NKAIN2: variants seen among roughly 807,000 people sequenced by gnomAD.
NKAIN2 encodes sodium/potassium transporting ATPase interacting 2.
In NKAIN2, 14 loss-of-function variants were observed where a neutral mutation model predicts 32.6. That is an observed-to-expected ratio of 0.43 (90% CI 0.28 to 0.67). The LOEUF (loss-of-function observed/expected upper bound fraction) is 0.67, where lower values mean the gene tolerates loss of function less well. Among genes scored for constraint, NKAIN2 ranks in the 30% least tolerant of loss-of-function variants. The pLI, the probability that NKAIN2 is intolerant of heterozygous loss-of-function variation, is 0.17. For missense variants in NKAIN2, 198 were observed against 258.3 expected (o/e 0.77, Z 1.60); for synonymous variants, 80 against 87.2 (o/e 0.92, Z 0.46).
chr6:123,997,690 G>A (rs1410942728), intron 1 of NKAIN2, among the ~76,000 whole-genome samples: 10 of 136,946 alleles, frequency 7.3e-5, no homozygotes, highest in East Asian at 2.3e-4. Flanking sequence ...TGCAAGCTCC[G>A]CCTTCCAGGT....
At chr6:124,235,024 G>A (rs1222609447) in intron 1 of NKAIN2, among the ~76,000 whole-genome samples, 1 of 152,056 alleles carries the variant, frequency 6.6e-6, no homozygotes, top group Non-Finnish European at 1.5e-5. Context: ...AGCACACAAT[G>A]GAATTTTCCA....
At chr6:124,431,111 A>G (rs1271967725) in intron 3 of NKAIN2, among the ~76,000 whole-genome samples, 3 of 152,186 alleles carry the variant, frequency 2.0e-5, no homozygotes, top group East Asian at 1.9e-4. Flanking sequence ...TACAAAATGC[A>G]TATGATTGCA....
chr6:124,413,260 G>A (rs1026226648), intron 3 of NKAIN2, among the ~76,000 whole-genome samples: 13 of 152,258 alleles, frequency 8.5e-5, no homozygotes, highest in East Asian at 5.8e-4. Context: ...TGTCTTCTGC[G>A]TCGCTCTTTT....
intron 1 of NKAIN2, among the ~76,000 whole-genome samples, chr6:123,834,995 C>T (rs1774554053): frequency 6.6e-6 from 1 of 152,028 alleles, no homozygotes; most frequent in Non-Finnish European, 1.5e-5. Context: ...ATTTCTATAT[C>T]TATGTTCATG....
At chr6:124,585,788 A>C (rs955000721) in intron 3 of NKAIN2, among the ~76,000 whole-genome samples, 1 of 152,210 alleles carries the variant, frequency 6.6e-6, no homozygotes, top group East Asian at 1.9e-4. Context: ...AGTATAATTT[A>C]CATACAGCAA....
intron 1 of NKAIN2, among the ~76,000 whole-genome samples, chr6:124,065,561 A>G (rs1159054739): frequency 1.3e-5 from 2 of 152,048 alleles, no homozygotes; most frequent in Non-Finnish European, 2.9e-5. Context: ...TGTTCCTCCC[A>G]TTTTGCCCTA....
intron 1 of NKAIN2, among the ~76,000 whole-genome samples, chr6:123,879,028 G>C: frequency 6.6e-6 from 1 of 152,014 alleles, no homozygotes; most frequent in Non-Finnish European, 1.5e-5. Flanking sequence ...AGAAGACTCT[G>C]TTTTCTTTAA....
At chr6:124,804,085 C>G (rs905054741) in intron 5 of NKAIN2, among the ~76,000 whole-genome samples, 2 of 152,190 alleles carry the variant, frequency 1.3e-5, no homozygotes, top group East Asian at 3.9e-4. Context: ...AAGGCACAAC[C>G]TGAGCACAGG....
intron 4 of NKAIN2, among the ~76,000 whole-genome samples, chr6:124,773,684 G>T (rs1305613407): frequency 2.6e-5 from 4 of 152,234 alleles, no homozygotes; most frequent in South Asian, 4.1e-4. Flanking sequence ...AATAACCCAG[G>T]TTAACCACAT....
chr6:124,133,761 A>G (rs543010938), intron 1 of NKAIN2, among the ~76,000 whole-genome samples: 2 of 152,272 alleles, frequency 1.3e-5, no homozygotes, highest in South Asian at 4.1e-4. Context: ...CTCTATAACT[A>G]AGGAACTCAT....
At chr6:124,787,075 G>GT (rs1176403046) in intron 4 of NKAIN2, among the ~76,000 whole-genome samples, 41 of 152,066 alleles carry the variant, frequency 2.7e-4, no homozygotes, top group African/African-American at 9.9e-4. Context: ...CACCTCTCAA[G>GT]GTCTATCTCA....
At chr6:124,816,829 G>C (rs74501762) in intron 5 of NKAIN2, among the ~76,000 whole-genome samples, 7,131 of 152,146 alleles carry the variant, frequency 0.047, 553 homozygotes, top group African/African-American at 0.16. Flanking sequence ...CTCTTATCTT[G>C]TTGGCCTTGT....
intron 1 of NKAIN2, among the ~76,000 whole-genome samples, chr6:123,871,690 A>G (rs895839213): frequency 1.3e-5 from 2 of 152,180 alleles, no homozygotes; most frequent in Non-Finnish European, 2.9e-5. Flanking sequence ...TCTCGTATGG[A>G]AGTGATTTCT....
chr6:123,927,127 C>T (rs1050028448), intron 1 of NKAIN2, among the ~76,000 whole-genome samples: 1 of 151,922 alleles, frequency 6.6e-6, no homozygotes, highest in African/African-American at 2.4e-5. Context: ...TCCAAGGCAA[C>T]CATGTGGCCA....
At chr6:124,381,468 A>T (rs1354498211) in intron 3 of NKAIN2, among the ~76,000 whole-genome samples, 1 of 152,162 alleles carries the variant, frequency 6.6e-6, no homozygotes, top group African/African-American at 2.4e-5. Flanking sequence ...GCTTAGTAAG[A>T]ACCAATGTAT....
chr6:124,683,542 A>G (rs753060787), intron 4 of NKAIN2, among the ~76,000 whole-genome samples: 6 of 152,172 alleles, frequency 3.9e-5, no homozygotes, highest in Non-Finnish European at 7.3e-5. Context: ...GCTCAGAGAA[A>G]TAGAAACCCC....
At chr6:124,689,718 A>G (rs1159559067) in intron 4 of NKAIN2, among the ~76,000 whole-genome samples, 1 of 152,088 alleles carries the variant, frequency 6.6e-6, no homozygotes, top group South Asian at 2.1e-4. Context: ...GGAAAAGACT[A>G]TTCTTCCCCT....
intron 4 of NKAIN2, among the ~76,000 whole-genome samples, chr6:124,670,643 T>TTGTGTGTG (rs756145455): frequency 9.8e-6 from 1 of 102,204 alleles, no homozygotes; most frequent in African/African-American, 4.3e-5. Context: ...AATCTTTGCT[T>TTGTGTGTG]TCTGTGTGTG....
intron 1 of NKAIN2, among the ~76,000 whole-genome samples, chr6:124,070,472 T>A (rs1783402823): frequency 2.6e-5 from 4 of 152,308 alleles, no homozygotes; most frequent in Middle Eastern, 6.8e-3. Flanking sequence ...GAATTGAGTA[T>A]TCCTCCCACA....
Sources: gnomAD v4.1 joint callset for allele counts (sites outside exome capture counted in the v4.1 genomes callset) on GRCh38, gnomAD v4.1.1 for gene constraint, MANE v1.5 for transcripts, NCBI Gene and HGNC (gene_info 2026-07-23, HGNC 2026-07-21) for gene names.